KIF6: variants seen among roughly 807,000 people sequenced by gnomAD.
KIF6 encodes the protein kinesin family member 6, also known as kinesin-like protein KIF6.
In KIF6, 106 loss-of-function variants were observed where a neutral mutation model predicts 112.7. That is an observed-to-expected ratio of 0.94 (90% CI 0.80 to 1.11). The LOEUF is 1.11. Ranked by LOEUF, KIF6 falls within the 50% of genes least tolerant of loss-of-function variation. KIF6 has a pLI of 0.00. For missense variants in KIF6, 929 were observed against 964.0 expected (o/e 0.96, Z 0.48); for synonymous variants, 339 against 339.9 (o/e 1.00, Z 0.03).
At chr6:39,523,123 C>T (rs1287667180) in intron 13 of KIF6, among the ~76,000 whole-genome samples, 1 of 152,178 alleles carries the variant, frequency 6.6e-6, no homozygotes, top group African/African-American at 2.4e-5. Context: ...GCACTGTATC[C>T]ACTCAGAAAC....
intron 3 of KIF6, among the ~76,000 whole-genome samples, chr6:39,674,143 G>C (rs1375603322): frequency 6.6e-6 from 1 of 152,094 alleles, no homozygotes; most frequent in African/African-American, 2.4e-5. Flanking sequence ...TAACATTTTA[G>C]CACCCTTTAC....
At chr6:39,391,314 T>G (rs80039437) in intron 15 of KIF6, among the ~76,000 whole-genome samples, 4,575 of 152,178 alleles carry the variant, frequency 0.03, 232 homozygotes, top group African/African-American at 0.1. Flanking sequence ...TCTGGCACAT[T>G]GTTTGAGGCT....
At chr6:39,558,810 T>C (rs1779858919) in intron 10 of KIF6, among the ~76,000 whole-genome samples, 1 of 152,168 alleles carries the variant, frequency 6.6e-6, no homozygotes, top group African/African-American at 2.4e-5. Flanking sequence ...TTTTTAAATT[T>C]GCTTTTGCTT....
chr6:39,554,865 A>T, intron 10 of KIF6: 1 of 198,144 alleles, frequency 5.0e-6, no homozygotes, highest in South Asian at 1.1e-4. Flanking sequence ...CAAGATCATG[A>T]GATCATGGTT....
chr6:39,532,588 A>G (rs1384444818), intron 13 of KIF6, among the ~76,000 whole-genome samples: 1 of 152,190 alleles, frequency 6.6e-6, no homozygotes, highest in Non-Finnish European at 1.5e-5. Flanking sequence ...AGTTCATTCT[A>G]CCATGTTGCT....
intron 13 of KIF6, among the ~76,000 whole-genome samples, chr6:39,517,692 A>G (rs904042928): frequency 6.6e-6 from 1 of 152,234 alleles, no homozygotes; most frequent in Non-Finnish European, 1.5e-5. Context: ...AGTAATGAGC[A>G]GTGAAGTTAT....
chr6:39,627,859 C>A (rs752854310), intron 5 of KIF6, among the ~76,000 whole-genome samples: 1 of 152,106 alleles, frequency 6.6e-6, no homozygotes. Context: ...TGTTTTACTT[C>A]ATGAGACAAA....
intron 20 of KIF6, among the ~76,000 whole-genome samples, chr6:39,346,131 C>CT (rs1250113929): frequency 0.01 from 1,031 of 100,968 alleles, 70 homozygotes; most frequent in Non-Finnish European, 0.014. Flanking sequence ...CCCTCCCTCT[C>CT]CCTCTCTCTC....
At chr6:39,563,757 G>A (rs1029868797) in intron 10 of KIF6, among the ~76,000 whole-genome samples, 1 of 152,142 alleles carries the variant, frequency 6.6e-6, no homozygotes, top group Non-Finnish European at 1.5e-5. Context: ...CAAAGGACTT[G>A]CCCCAGGCCT....
intron 22 of KIF6, among the ~76,000 whole-genome samples, chr6:39,337,179 CTTT>C (rs1763025746): frequency 1.4e-5 from 1 of 70,464 alleles, no homozygotes; most frequent in Non-Finnish European, 2.4e-5. Context: ...TTCCTTCTTT[CTTT>C]CTTTCTTTCT....
At chr6:39,389,046 C>T (rs947330623) in intron 15 of KIF6, among the ~76,000 whole-genome samples, 7 of 152,198 alleles carry the variant, frequency 4.6e-5, no homozygotes, top group African/African-American at 7.2e-5. Flanking sequence ...GCAGAGCTTA[C>T]AGCAATCCAC....
chr6:39,376,202 G>A (rs1766427915), intron 16 of KIF6, among the ~76,000 whole-genome samples: 1 of 152,212 alleles, frequency 6.6e-6, no homozygotes, highest in Admixed American at 6.5e-5. Flanking sequence ...GAGGGCAGCT[G>A]CATCCTTTAT....
intron 10 of KIF6, among the ~76,000 whole-genome samples, chr6:39,563,381 A>G (rs548047753): frequency 1.8e-4 from 27 of 152,348 alleles, no homozygotes; most frequent in Non-Finnish European, 2.9e-4. Flanking sequence ...TGTACATAGC[A>G]TATACATACA....
At chr6:39,620,225 T>C (rs1168845483) in intron 5 of KIF6, 1 of 152,220 alleles carries the variant, frequency 6.6e-6, no homozygotes, top group Non-Finnish European at 1.5e-5. Flanking sequence ...TAATTCCATA[T>C]AGTAATTATA....
intron 3 of KIF6, among the ~76,000 whole-genome samples, chr6:39,656,617 A>C (rs1366944390): frequency 6.6e-6 from 1 of 152,122 alleles, no homozygotes; most frequent in Non-Finnish European, 1.5e-5. Context: ...ACAGTACCCA[A>C]AAGATTTCCC....
intron 3 of KIF6, among the ~76,000 whole-genome samples, chr6:39,641,163 T>C (rs913946769): frequency 6.6e-6 from 1 of 152,186 alleles, no homozygotes; most frequent in African/African-American, 2.4e-5. Context: ...GGATATATGA[T>C]ATTTCTTGGC....
chr6:39,699,724 G>A, intron 3 of KIF6, among the ~76,000 whole-genome samples: 1 of 152,094 alleles, frequency 6.6e-6, no homozygotes, highest in Non-Finnish European at 1.5e-5. Flanking sequence ...AACATAATTA[G>A]AGGAATAATA....
intron 13 of KIF6, among the ~76,000 whole-genome samples, chr6:39,536,019 A>G (rs1398649816): frequency 6.6e-6 from 1 of 151,850 alleles, no homozygotes; most frequent in African/African-American, 2.4e-5. Flanking sequence ...AACCAACAGG[A>G]ACAAAGACAC....
intron 14 of KIF6, among the ~76,000 whole-genome samples, chr6:39,423,918 C>T (rs936906494): frequency 2.6e-5 from 4 of 152,154 alleles, no homozygotes; most frequent in African/African-American, 7.2e-5. Flanking sequence ...ACTGCCTGTC[C>T]GCAGGCTAGT....
Sources: allele counts gnomAD v4.1 joint callset (sites outside exome capture counted in the v4.1 genomes callset), GRCh38; gene constraint gnomAD v4.1.1; transcripts MANE v1.5; gene names NCBI Gene and HGNC (gene_info 2026-07-23, HGNC 2026-07-21).